WDR64: variants seen among roughly 807,000 people sequenced by gnomAD.
The protein encoded by WDR64 is WD repeat-containing protein 64.
A neutral mutation model predicts 139.3 loss-of-function variants in WDR64; 112 were observed. The observed-to-expected ratio is 0.80, with a 90% CI of 0.69 to 0.94. The LOEUF (loss-of-function observed/expected upper bound fraction) is 0.94, where lower values mean the gene tolerates loss of function less well. WDR64 is among the 40% of genes least tolerant of loss of function. WDR64 has a pLI of 0.00. For synonymous variants in WDR64, 444 were observed against 437.7 expected (o/e 1.01, Z -0.18); for missense variants, 1,206 against 1,293.1 (o/e 0.93, Z 1.03).
chr1:241,762,336 T>G (rs527275858), intron 15 of WDR64, among the ~76,000 whole-genome samples: 1 of 152,124 alleles, frequency 6.6e-6, no homozygotes, highest in South Asian at 2.1e-4. Flanking sequence ...TAGCTGTATA[T>G]GTTGAATTCA....
intron 10 of WDR64, among the ~76,000 whole-genome samples, chr1:241,737,153 G>T (rs1188473310): frequency 6.6e-6 from 1 of 152,118 alleles, no homozygotes; most frequent in African/African-American, 2.4e-5. Flanking sequence ...AAGGCTCAAT[G>T]TTCTATCTAC....
intron 4 of WDR64, chr1:241,676,031 A>G (rs2148089382): frequency 6.6e-6 from 1 of 152,330 alleles, no homozygotes; most frequent in Non-Finnish European, 1.5e-5. Context: ...ATGCAAGTAA[A>G]ATACCTTTGA....
chr1:241,719,889 G>A (rs1220118741), intron 9 of WDR64, among the ~76,000 whole-genome samples: 1 of 152,080 alleles, frequency 6.6e-6, no homozygotes, highest in Non-Finnish European at 1.5e-5. Flanking sequence ...GTGGTTTGCT[G>A]TACAGATCAA....
chr1:241,699,655 TAGTC>T (rs1232501908), intron 8 of WDR64, among the ~76,000 whole-genome samples: 10 of 152,120 alleles, frequency 6.6e-5, no homozygotes, highest in South Asian at 2.1e-4. Flanking sequence ...TGGTAAAACT[TAGTC>T]AGGCAAAACA....
intron 6 of WDR64, among the ~76,000 whole-genome samples, chr1:241,679,827 A>G (rs895542670): frequency 1.3e-5 from 2 of 152,028 alleles, no homozygotes; most frequent in Non-Finnish European, 2.9e-5. Context: ...TTTTTGAGAG[A>G]GGGGGTAATT....
At chr1:241,668,853 T>C (rs1006486281) in intron 2 of WDR64, among the ~76,000 whole-genome samples, 1 of 149,544 alleles carries the variant, frequency 6.7e-6, no homozygotes, top group Non-Finnish European at 1.5e-5. Flanking sequence ...TGAGTCGAGA[T>C]CACACCACTG....
chr1:241,734,018 A>G (rs115576712), intron 10 of WDR64, among the ~76,000 whole-genome samples: 3,357 of 152,240 alleles, frequency 0.022, 123 homozygotes, highest in African/African-American at 0.078. Flanking sequence ...TCACTAAGCT[A>G]AAGGGAAAAG....
intron 1 of WDR64, among the ~76,000 whole-genome samples, chr1:241,657,808 A>C (rs1444308486): frequency 6.6e-6 from 1 of 152,160 alleles, no homozygotes; most frequent in Non-Finnish European, 1.5e-5. Context: ...CATAAAATGT[A>C]CTCTTCTGAA....
intron 16 of WDR64, among the ~76,000 whole-genome samples, chr1:241,768,100 T>C (rs1053302545): frequency 6.6e-6 from 1 of 152,214 alleles, no homozygotes; most frequent in African/African-American, 2.4e-5. Context: ...GCAACACCCG[T>C]GATAATAATC....
rs78371126 is a variant in WDR64 at position 241,788,966 on chromosome 1, G to C, written c.2891+932G>C. Among the ~76,000 whole-genome samples, 8 of 152,242 alleles carry C rather than the reference G, an allele frequency of 5.3e-5. No homozygotes were observed. The East Asian group carries it at 1.5e-3, about 29-fold the overall frequency. ...TCATATATCCTAGTACTTAAGACAG[G>C]ATTCTAATTTGTCCATATGCATCTT... On this transcript the variant is annotated intron_variant, in intron 24 of 27. Transcript: ENST00000437684.
At chr1:241,782,506 C>G (rs1658886123) in intron 22 of WDR64, among the ~76,000 whole-genome samples, 1 of 152,098 alleles carries the variant, frequency 6.6e-6, no homozygotes, top group South Asian at 2.1e-4. Flanking sequence ...AGGTGTCAGT[C>G]CGGGTTTATC....
At chr1:241,702,680 C>T (rs1048033280) in intron 8 of WDR64, among the ~76,000 whole-genome samples, 6 of 152,176 alleles carry the variant, frequency 3.9e-5, no homozygotes, top group African/African-American at 1.4e-4. Context: ...GTTTTTATAA[C>T]ATCTGCAAAC....
chr1:241,688,435 A>G (rs1039606063), intron 8 of WDR64, among the ~76,000 whole-genome samples: 5 of 152,156 alleles, frequency 3.3e-5, no homozygotes, highest in Admixed American at 1.3e-4. Context: ...TGATATGCAA[A>G]TGTTATGATA....
intron 4 of WDR64, among the ~76,000 whole-genome samples, chr1:241,675,241 C>T: frequency 8.5e-6 from 1 of 117,056 alleles, no homozygotes; most frequent in African/African-American, 3.5e-5. Flanking sequence ...TCCCTCCTTC[C>T]TCCCTCCTTC....
chr1:241,775,021 A>T, intron 20 of WDR64, 84 bp from the exon 21 acceptor site: 1 of 1,071,268 alleles, frequency 9.3e-7, no homozygotes, highest in Non-Finnish European at 1.3e-6. Flanking sequence ...TGCATTATTT[A>T]CATAGAAAAA....
At chr1:241,739,546 T>C (rs1440499450) in intron 11 of WDR64, among the ~76,000 whole-genome samples, 1 of 152,200 alleles carries the variant, frequency 6.6e-6, no homozygotes, top group Non-Finnish European at 1.5e-5. Flanking sequence ...CTATTCTCTG[T>C]TTTACCTCCT....
At chr1:241,698,814 A>G (rs1667594426) in intron 8 of WDR64, among the ~76,000 whole-genome samples, 1 of 152,282 alleles carries the variant, frequency 6.6e-6, no homozygotes, top group South Asian at 2.1e-4. Context: ...TTCATGCTGT[A>G]TTAGTCCATT....
chr1:241,753,935 AG>A (rs1670074742), intron 14 of WDR64, among the ~76,000 whole-genome samples: 1 of 152,180 alleles, frequency 6.6e-6, no homozygotes, highest in Non-Finnish European at 1.5e-5. Flanking sequence ...TAAAAATAAA[AG>A]CTTGTCTAAA....
intron 9 of WDR64, among the ~76,000 whole-genome samples, chr1:241,719,211 G>A (rs995332968): frequency 3.3e-5 from 5 of 152,096 alleles, no homozygotes; most frequent in Non-Finnish European, 7.4e-5. Context: ...CCTCTTTGGG[G>A]ACTTGATAGT....
Sources: gnomAD v4.1 joint callset for allele counts (sites outside exome capture counted in the v4.1 genomes callset) on GRCh38, gnomAD v4.1.1 for gene constraint, MANE v1.5 for transcripts, NCBI Gene and HGNC (gene_info 2026-07-23, HGNC 2026-07-21) for gene names.